The following HTR4 variants were observed in gnomAD, a reference collection of about 807,000 sequenced individuals.
HTR4 encodes the protein 5-hydroxytryptamine (serotonin) receptor 4, G protein-coupled.
HTR4 carries 16 observed loss-of-function variants against 36.8 expected under a neutral mutation model. The observed-to-expected ratio is 0.43, with a 90% confidence interval of 0.29 to 0.66. HTR4 has a LOEUF of 0.66. Ranked by LOEUF, HTR4 falls within the 30% of genes least tolerant of loss-of-function variation. HTR4 has a pLI of 0.13. For missense variants in HTR4, 438 were observed against 490.9 expected (o/e 0.89, Z 1.02); for synonymous variants, 189 against 185.1 (o/e 1.02, Z -0.17).
chr5:148,622,623 G>A (rs1752955297), intron 2 of HTR4, among the ~76,000 whole-genome samples: 1 of 152,194 alleles, frequency 6.6e-6, no homozygotes, highest in African/African-American at 2.4e-5. Context: ...TTTACTAGCG[G>A]TGTGTCTTTA....
intron 2 of HTR4, among the ~76,000 whole-genome samples, chr5:148,586,167 C>T (rs575964789): frequency 6.6e-6 from 1 of 152,204 alleles, no homozygotes; most frequent in Middle Eastern, 3.4e-3. Flanking sequence ...CTGCCTTGCT[C>T]ACTGCTGCAT....
chr5:148,490,732 C>T, intron 6 of HTR4: 2 of 1,268,466 alleles, frequency 1.6e-6, no homozygotes, highest in South Asian at 1.3e-5. Context: ...CCTAGTAAGG[C>T]AATCCATTCC....
chr5:148,606,158 C>T (rs1027921904), intron 2 of HTR4, among the ~76,000 whole-genome samples: 5 of 149,764 alleles, frequency 3.3e-5, no homozygotes, highest in African/African-American at 7.4e-5. Context: ...GAGCAGGTGT[C>T]CTTTCAAATG....
intron 2 of HTR4, among the ~76,000 whole-genome samples, chr5:148,612,153 A>C (rs1480957276): frequency 6.6e-5 from 10 of 152,262 alleles, no homozygotes; most frequent in East Asian, 5.8e-4. Context: ...CCCAGGAATT[A>C]AACTCAGCTC....
chr5:148,566,108 A>C (rs886765665), intron 2 of HTR4, among the ~76,000 whole-genome samples: 2 of 152,196 alleles, frequency 1.3e-5, no homozygotes, highest in African/African-American at 4.8e-5. Flanking sequence ...AAACATCTAA[A>C]TGTCTATATT....
At chr5:148,452,568 C>T (rs542109960) in intron 5 of HTR4, among the ~76,000 whole-genome samples, 2 of 152,236 alleles carry the variant, frequency 1.3e-5, no homozygotes, top group South Asian at 2.1e-4. Flanking sequence ...ATTATCTGGC[C>T]CAAAATGTCA....
intron 4 of HTR4, among the ~76,000 whole-genome samples, chr5:148,542,541 GA>G (rs749736821): frequency 6.6e-6 from 1 of 152,168 alleles, no homozygotes; most frequent in African/African-American, 2.4e-5. Flanking sequence ...TCAAATTTTT[GA>G]GCTGTGCAGA....
At chr5:148,637,885 T>A (rs972449343) in intron 1 of HTR4, among the ~76,000 whole-genome samples, 1 of 152,194 alleles carries the variant, frequency 6.6e-6, no homozygotes, top group South Asian at 2.1e-4. Flanking sequence ...AGGGTCACCA[T>A]GAGCAAGTCC....
intron 2 of HTR4, among the ~76,000 whole-genome samples, chr5:148,591,532 T>G (rs1761571249): frequency 6.6e-6 from 1 of 152,202 alleles, no homozygotes; most frequent in Admixed American, 6.5e-5. Flanking sequence ...TAATTCTTAT[T>G]GCAGAGATCT....
At chr5:148,538,210 A>T (rs890256860) in intron 4 of HTR4, among the ~76,000 whole-genome samples, 1 of 152,160 alleles carries the variant, frequency 6.6e-6, no homozygotes, top group East Asian at 1.9e-4. Flanking sequence ...CTCAAAAAAA[A>T]CTAGGTATTG....
intron 4 of HTR4, among the ~76,000 whole-genome samples, chr5:148,544,272 T>TC (rs1561609070): frequency 6.6e-6 from 1 of 151,254 alleles, no homozygotes; most frequent in Non-Finnish European, 1.5e-5. Flanking sequence ...TCTCTCTCTC[T>TC]CTCTTTCTCT....
chr5:148,597,946 G>A (rs370233785), intron 2 of HTR4, among the ~76,000 whole-genome samples: 5 of 152,292 alleles, frequency 3.3e-5, no homozygotes, highest in Admixed American at 1.3e-4. Context: ...ATTTTTAAAA[G>A]TAGTTAAAGT....
At chr5:148,525,452 T>C (rs1039664010) in intron 4 of HTR4, among the ~76,000 whole-genome samples, 1 of 152,242 alleles carries the variant, frequency 6.6e-6, no homozygotes. Context: ...ATCTCTTTGC[T>C]GTTGCTATAG....
chr5:148,462,757 A>G (rs772944010), intron 5 of HTR4, among the ~76,000 whole-genome samples: 18 of 152,318 alleles, frequency 1.2e-4, no homozygotes, highest in Non-Finnish European at 2.2e-4. Flanking sequence ...TGCAAAAATC[A>G]TCAACAAGAT....
chr5:148,625,142 A>G (rs1232547511), intron 2 of HTR4, among the ~76,000 whole-genome samples: 1 of 152,132 alleles, frequency 6.6e-6, no homozygotes, highest in Non-Finnish European at 1.5e-5. Flanking sequence ...AGGCTATAGA[A>G]AGATGGCCAG....
intron 5 of HTR4, among the ~76,000 whole-genome samples, chr5:148,454,785 A>T (rs1755058689): frequency 6.6e-6 from 1 of 152,182 alleles, no homozygotes; most frequent in South Asian, 2.1e-4. Context: ...GGCTCATAGC[A>T]GCTGAGTGAG....
chr5:148,523,171 T>C, intron 5 of HTR4, 22 bp downstream of exon 5: 1 of 1,601,076 alleles, frequency 6.2e-7, no homozygotes. Flanking sequence ...AGTAAACCAG[T>C]GAGGTCTGTG....
intron 2 of HTR4, among the ~76,000 whole-genome samples, chr5:148,611,620 T>A (rs199524815): frequency 7.4e-6 from 1 of 135,336 alleles, no homozygotes; most frequent in African/African-American, 2.7e-5. Context: ...CTGCATCAAC[T>A]AACGAGCAAA....
intron 5 of HTR4, among the ~76,000 whole-genome samples, chr5:148,456,541 G>A (rs946464084): frequency 1.1e-4 from 16 of 152,158 alleles, no homozygotes; most frequent in Non-Finnish European, 1.9e-4. Context: ...CTAGTTATGA[G>A]GCATGGTCAA....
Sources: gnomAD v4.1 joint callset for allele counts (sites outside exome capture counted in the v4.1 genomes callset) on GRCh38, gnomAD v4.1.1 for gene constraint, MANE v1.5 for transcripts, NCBI Gene and HGNC (gene_info 2026-07-23, HGNC 2026-07-21) for gene names.